Variants in DOCK3 observed in about 807,000 individuals in gnomAD.
DOCK3 encodes dedicator of cytokinesis protein 3.
In DOCK3, 60 loss-of-function variants were observed where a neutral mutation model predicts 265.6. That is an observed-to-expected ratio of 0.23 (90% CI 0.18 to 0.28). The LOEUF is 0.28. Ranked by LOEUF, DOCK3 falls within the 10% of genes least tolerant of loss-of-function variation. The pLI, the probability that DOCK3 is intolerant of heterozygous loss-of-function variation, is 1.00. For synonymous variants in DOCK3, 881 were observed against 938.0 expected (o/e 0.94, Z 1.11); for missense variants, 1,981 against 2,594.3 (o/e 0.76, Z 5.14).
chr3:51,067,515 A>G (rs1178808063), intron 6 of DOCK3, among the ~76,000 whole-genome samples: 2 of 151,280 alleles, frequency 1.3e-5, no homozygotes, highest in Non-Finnish European at 2.9e-5. Flanking sequence ...TGAAAAACAC[A>G]GTTCCATTCC....
chr3:50,694,812 AAAAC>A (rs1213251168), intron 1 of DOCK3, among the ~76,000 whole-genome samples: 3 of 152,334 alleles, frequency 2.0e-5, no homozygotes, highest in East Asian at 1.9e-4. Flanking sequence ...ACTCTGTCTC[AAAAC>A]AAACAAACAA....
chr3:51,219,839 G>C (rs1378511286), intron 14 of DOCK3, among the ~76,000 whole-genome samples: 1 of 152,140 alleles, frequency 6.6e-6, no homozygotes, highest in Non-Finnish European at 1.5e-5. Flanking sequence ...GTATCTAAGG[G>C]ATGGTTTAAG....
chr3:51,002,112 A>T (rs925913620), intron 5 of DOCK3, among the ~76,000 whole-genome samples: 2 of 146,568 alleles, frequency 1.4e-5, no homozygotes, highest in East Asian at 3.9e-4. Flanking sequence ...TGCCCTGCTA[A>T]TTTTTTTTTT....
At chr3:51,004,392 T>G (rs1367376122) in intron 5 of DOCK3, among the ~76,000 whole-genome samples, 1 of 152,104 alleles carries the variant, frequency 6.6e-6, no homozygotes, top group African/African-American at 2.4e-5. Flanking sequence ...CCAGACTAAT[T>G]AAGCCACTTC....
intron 9 of DOCK3, among the ~76,000 whole-genome samples, chr3:51,103,985 A>G (rs1055656868): frequency 6.6e-6 from 1 of 152,220 alleles, no homozygotes; most frequent in Non-Finnish European, 1.5e-5. Flanking sequence ...AATTATTTAT[A>G]TACAGATATT....
intron 2 of DOCK3, among the ~76,000 whole-genome samples, chr3:50,781,169 G>T (rs2041892101): frequency 6.6e-6 from 1 of 150,418 alleles, no homozygotes; most frequent in South Asian, 2.1e-4. Context: ...TAAAATCCCA[G>T]TGGCTCCACA....
chr3:51,351,353 C>G (rs2085962925), intron 40 of DOCK3, among the ~76,000 whole-genome samples: 1 of 152,134 alleles, frequency 6.6e-6, no homozygotes, highest in Admixed American at 6.6e-5. Flanking sequence ...TTGGGTTAGC[C>G]AATGAGCAAT....
intron 12 of DOCK3, among the ~76,000 whole-genome samples, chr3:51,180,639 A>T (rs1200405492): frequency 6.6e-6 from 1 of 152,160 alleles, no homozygotes; most frequent in African/African-American, 2.4e-5. Flanking sequence ...ATCCAGGATA[A>T]TCTCCTTATC....
chr3:50,715,111 C>CA, intron 1 of DOCK3, among the ~76,000 whole-genome samples: 1 of 152,382 alleles, frequency 6.6e-6, no homozygotes, highest in Middle Eastern at 3.4e-3. Flanking sequence ...ACTGTATCTC[C>CA]AGACCTGGCA....
At position 50,776,460 on chromosome 3, in the gene DOCK3, T is replaced by G. The variant is rs185105808; in HGVS notation, c.38-2215T>G. Among the ~76,000 whole-genome samples the G allele has an allele frequency of 1.5e-3, 231 of 152,292 alleles. 2 individuals are homozygous for G. The highest frequency in any genetic ancestry group is 7.9e-3 in the East Asian group (41 of 5,188). Reference sequence around the variant, plus strand: ...TTTTTTTCTTGCTGATTTGAGTTCCTTGTAGATTCTGGATACTAGTTTTTT... The same window carrying G: ...TTTTTTTCTTGCTGATTTGAGTTCCGTGTAGATTCTGGATACTAGTTTTTT... On this transcript the variant is annotated intron_variant, in intron 1 of 52. Transcript: ENST00000266037.
intron 27 of DOCK3, among the ~76,000 whole-genome samples, chr3:51,309,120 GC>G (rs2109502856): frequency 6.6e-6 from 1 of 151,804 alleles, no homozygotes; most frequent in Admixed American, 6.6e-5. Context: ...AGGCAGAGGG[GC>G]TCCTCACATC....
At chr3:51,038,561 T>G (rs1201900654) in intron 5 of DOCK3, among the ~76,000 whole-genome samples, 1 of 151,896 alleles carries the variant, frequency 6.6e-6, no homozygotes, top group Non-Finnish European at 1.5e-5. Flanking sequence ...TCCAAATGAG[T>G]AAGATTTTGA....
At chr3:50,780,964 C>T (rs1196240138) in intron 2 of DOCK3, among the ~76,000 whole-genome samples, 2 of 152,052 alleles carry the variant, frequency 1.3e-5, no homozygotes, top group Admixed American at 6.5e-5. Context: ...GTTCCATTCA[C>T]ATTACCATGA....
chr3:51,055,466 A>G (rs2109167426), intron 5 of DOCK3, among the ~76,000 whole-genome samples: 1 of 151,926 alleles, frequency 6.6e-6, no homozygotes, highest in African/African-American at 2.4e-5. Context: ...TTCACCTTTA[A>G]TGTTTGGTGG....
intron 3 of DOCK3, among the ~76,000 whole-genome samples, chr3:50,842,102 C>T (rs960122509): frequency 6.6e-6 from 1 of 152,072 alleles, no homozygotes; most frequent in Non-Finnish European, 1.5e-5. Flanking sequence ...AGATATTTCT[C>T]TAATCATAAT....
At chr3:50,933,877 C>T in intron 4 of DOCK3, 104 bp from the exon 5 acceptor site, 1 of 670,124 alleles carries the variant, frequency 1.5e-6, no homozygotes, top group South Asian at 2.8e-5. Flanking sequence ...TTTTTATTTG[C>T]ATAAATTTAA....
chr3:51,035,398 T>A (rs566754793), intron 5 of DOCK3, among the ~76,000 whole-genome samples: 4 of 152,274 alleles, frequency 2.6e-5, no homozygotes, highest in Admixed American at 6.5e-5. Context: ...TCTCATACTG[T>A]GTTTCTGTTC....
At chr3:51,366,797 T>C (rs1432052545) in intron 49 of DOCK3, among the ~76,000 whole-genome samples, 3 of 152,170 alleles carry the variant, frequency 2.0e-5, no homozygotes, top group African/African-American at 7.2e-5. Flanking sequence ...AGTTGAGTGG[T>C]TTTGAGTGAG....
At chr3:51,068,400 C>T (rs1438252120) in intron 6 of DOCK3, among the ~76,000 whole-genome samples, 9 of 151,736 alleles carry the variant, frequency 5.9e-5, no homozygotes, top group Admixed American at 2.6e-4. Context: ...ATTAGCCGGG[C>T]GTGGTGGCGG....
Sources: gnomAD v4.1 joint callset for allele counts (sites outside exome capture counted in the v4.1 genomes callset) on GRCh38, gnomAD v4.1.1 for gene constraint, MANE v1.5 for transcripts, NCBI Gene and HGNC (gene_info 2026-07-23, HGNC 2026-07-21) for gene names.